LEKR1: variants seen among roughly 807,000 people sequenced by gnomAD.
The protein encoded by LEKR1 is leucine, glutamate and lysine rich 1, also known as protein LEKR1.
In LEKR1, 59 loss-of-function variants were observed where a neutral mutation model predicts 72.4. That is an observed-to-expected ratio of 0.82 (90% confidence interval 0.66 to 1.01). The LOEUF is 1.01. Ranked by LOEUF, LEKR1 falls within the 50% of genes least tolerant of loss-of-function variation. LEKR1 has a pLI of 0.00. For missense variants in LEKR1, 728 were observed against 759.2 expected (o/e 0.96, Z 0.48); for synonymous variants, 257 against 263.2 (o/e 0.98, Z 0.23).
intron 12 of LEKR1, among the ~76,000 whole-genome samples, chr3:157,033,749 C>T (rs1489135089): frequency 6.6e-6 from 1 of 152,170 alleles, no homozygotes; most frequent in Non-Finnish European, 1.5e-5. Flanking sequence ...GAACAACCTT[C>T]TATTGGAAGA....
At chr3:156,853,587 TG>T (rs1173353499) in intron 3 of LEKR1, among the ~76,000 whole-genome samples, 1 of 152,134 alleles carries the variant, frequency 6.6e-6, no homozygotes, top group Non-Finnish European at 1.5e-5. Flanking sequence ...TATTGACAGT[TG>T]ATGTTAAGAG....
chr3:156,936,462 CACA>C (rs1004421128), intron 5 of LEKR1, among the ~76,000 whole-genome samples: 4 of 118,862 alleles, frequency 3.4e-5, no homozygotes, highest in Admixed American at 9.1e-5. Flanking sequence ...CACACACACA[CACA>C]CCCCCCGTAT....
chr3:156,858,480 C>T (rs1000596401), intron 3 of LEKR1, among the ~76,000 whole-genome samples: 18 of 152,000 alleles, frequency 1.2e-4, no homozygotes, highest in African/African-American at 1.7e-4. Flanking sequence ...TGAGACCAGC[C>T]TGGCCAACAT....
chr3:157,040,329 G>A (rs1735257919), intron 12 of LEKR1, among the ~76,000 whole-genome samples: 1 of 152,108 alleles, frequency 6.6e-6, no homozygotes, highest in Admixed American at 6.5e-5. Flanking sequence ...TCAGTCTGAG[G>A]GATTATTGCC....
Position 156,867,466 on chromosome 3 carries a change from A to G in LEKR1, c.263+14484A>G, listed in dbSNP as rs1286384018. ...CTGAGGTTTTTGCCAATAGTATGAA[A>G]CTCTCTGAGGCCATTCCCTTTTCAG... On this transcript the variant is annotated intron_variant, in intron 3 of 12. Coordinates refer to ENST00000356539, the MANE Select transcript of LEKR1 (RefSeq NM_001004316.3). Among the ~76,000 whole-genome samples, 4 of 151,758 alleles carry G rather than the reference A, an allele frequency of 2.6e-5. No individual in the cohort carries two copies. The South Asian group carries it at 8.4e-4, about 32-fold the overall frequency.
At chr3:157,007,151 G>A (rs1054369013) in intron 9 of LEKR1, among the ~76,000 whole-genome samples, 1 of 152,106 alleles carries the variant, frequency 6.6e-6, no homozygotes, top group Non-Finnish European at 1.5e-5. Flanking sequence ...GCAGTGAGCC[G>A]AGATCCGCCA....
chr3:156,981,513 T>A (rs1730196866), intron 7 of LEKR1, among the ~76,000 whole-genome samples: 1 of 152,154 alleles, frequency 6.6e-6, no homozygotes, highest in East Asian at 1.9e-4. Flanking sequence ...AATTAAAAAA[T>A]GGAGATGATG....
chr3:156,849,448 A>G (rs1452751022), intron 2 of LEKR1, among the ~76,000 whole-genome samples: 1 of 152,218 alleles, frequency 6.6e-6, no homozygotes, highest in Non-Finnish European at 1.5e-5. Flanking sequence ...CCACATTGCC[A>G]AGTCAACCCT....
intron 2 of LEKR1, among the ~76,000 whole-genome samples, chr3:156,830,320 A>T (rs960254229): frequency 6.6e-6 from 1 of 152,222 alleles, no homozygotes; most frequent in Non-Finnish European, 1.5e-5. Context: ...GTGCAATTTC[A>T]TAAGCTTTGG....
At chr3:156,951,127 GT>G (rs928062978) in intron 6 of LEKR1, among the ~76,000 whole-genome samples, 4 of 151,584 alleles carry the variant, frequency 2.6e-5, no homozygotes, top group Non-Finnish European at 5.9e-5. Flanking sequence ...TAATCATGTG[GT>G]TTTTTTCTTT....
intron 10 of LEKR1, among the ~76,000 whole-genome samples, chr3:157,021,161 T>C (rs1030084808): frequency 6.6e-6 from 1 of 152,138 alleles, no homozygotes; most frequent in Non-Finnish European, 1.5e-5. Flanking sequence ...TGGAGTTCAT[T>C]GTAGATTCTG....
intron 6 of LEKR1, 128 bp from the exon 7 acceptor site, chr3:156,979,066 C>T (rs1051371056): frequency 2.5e-6 from 1 of 393,952 alleles, no homozygotes; most frequent in African/African-American, 2.1e-5. Context: ...GACATACAGG[C>T]AAAGTGGAAT....
At chr3:156,935,486 T>C (rs2108578512) in intron 5 of LEKR1, among the ~76,000 whole-genome samples, 1 of 152,322 alleles carries the variant, frequency 6.6e-6, no homozygotes, top group African/African-American at 2.4e-5. Flanking sequence ...GTTTCTTTGA[T>C]CAATTTGAAC....
chr3:156,977,745 C>A (rs1219268301), intron 6 of LEKR1: 3 of 237,718 alleles, frequency 1.3e-5, no homozygotes, highest in Non-Finnish European at 2.7e-5. Context: ...GGAGTCAAAT[C>A]TTTTTGGTGC....
At chr3:157,002,005 T>A (rs1197110220) in intron 9 of LEKR1, among the ~76,000 whole-genome samples, 1 of 152,124 alleles carries the variant, frequency 6.6e-6, no homozygotes. Context: ...AAGCTCCAGT[T>A]TTTCTTTCAG....
chr3:156,995,349 G>T lies in LEKR1; in HGVS notation c.1109+2072G>T, dbSNP rs1217609336. On this transcript the variant is annotated intron_variant, in intron 9 of 12. Coordinates refer to ENST00000356539, the MANE Select transcript of LEKR1 (RefSeq NM_001004316.3). ...CTCTAAATGTTGAATGAGAAGGACA[G>T]TTTCTATCAGCTTTCAGAGAATAGT... Among the ~76,000 whole-genome samples, 4 of 152,166 alleles carry T rather than the reference G, an allele frequency of 2.6e-5. No individual in the cohort carries two copies. The East Asian group carries it at 7.7e-4, about 29-fold the overall frequency.
intron 6 of LEKR1, among the ~76,000 whole-genome samples, chr3:156,969,609 C>T (rs901633226): frequency 2.0e-5 from 3 of 152,134 alleles, no homozygotes; most frequent in Non-Finnish European, 2.9e-5. Context: ...ATAACAGGCT[C>T]TGAAATTGGG....
At chr3:156,863,125 G>A (rs191774268) in intron 3 of LEKR1, among the ~76,000 whole-genome samples, 1 of 152,118 alleles carries the variant, frequency 6.6e-6, no homozygotes, top group African/African-American at 2.4e-5. Context: ...GGTTGGGGAG[G>A]TGGGTTTTTT....
chr3:156,909,748 C>T (rs1722928051), intron 3 of LEKR1, among the ~76,000 whole-genome samples: 1 of 151,250 alleles, frequency 6.6e-6, no homozygotes, highest in African/African-American at 2.4e-5. Flanking sequence ...ATTAATACAT[C>T]CCATTATGAT....
Sources: gnomAD v4.1 joint callset for allele counts (sites outside exome capture counted in the v4.1 genomes callset) on GRCh38, gnomAD v4.1.1 for gene constraint, MANE v1.5 for transcripts, NCBI Gene and HGNC (gene_info 2026-07-23, HGNC 2026-07-21) for gene names.